Variants in FRRS1L observed in about 807,000 individuals in gnomAD.
FRRS1L encodes the protein ferric chelate reductase 1 like.
Under a neutral mutation model 28.6 loss-of-function variants are expected in FRRS1L, and 22 were observed. The ratio of observed to expected loss-of-function variants is 0.77; its 90% CI spans 0.55 to 1.10. FRRS1L has a LOEUF of 1.10. Among genes scored for constraint, FRRS1L ranks in the 50% least tolerant of loss-of-function variants. FRRS1L has a pLI of 0.00. For missense variants in FRRS1L, 380 were observed against 386.9 expected (o/e 0.98, Z 0.15); for synonymous variants, 158 against 151.4 (o/e 1.04, Z -0.32).
At position 109,137,239 on chromosome 9, in the gene FRRS1L, AG is replaced by A. The variant is rs2118458423; in HGVS notation, c.*215del. On this transcript the variant is annotated 3_prime_UTR_variant, in exon 5 of 5. Coordinates refer to ENST00000561981, the MANE Select transcript of FRRS1L (RefSeq NM_014334.4). ...TAAGAAAACATATGTGAAAGTGCTT[AG>A]AAAAGGTGTAAGTATGTTCCAAAAG... The A allele has an allele frequency of 3.2e-6, 1 of 312,376 alleles. No homozygotes were observed. The highest frequency in any genetic ancestry group is 5.8e-6 in the Non-Finnish European group (1 of 172,868). The allele number at this position is 312,376 out of a possible 1,614,324, so 19.4% of individuals were successfully genotyped here. A position where few individuals can be genotyped will look rare whatever the true frequency, so the allele number is the denominator to read the frequency against.
chr9:109,154,227 C>A (rs1326259871), intron 1 of FRRS1L, among the ~76,000 whole-genome samples: 1 of 152,178 alleles, frequency 6.6e-6, no homozygotes, highest in East Asian at 1.9e-4. Context: ...TAATCTCAAG[C>A]CCTTCTCTTT....
Position 109,135,052 on chromosome 9 carries a change from C to A in FRRS1L, c.*2403G>T, listed in dbSNP as rs976471362. ...GCAATGAACAGAATTTCTCCTCCAT[C>A]CCTCCTTGGAAGCTTTTGGTAACTG... On this transcript the variant is annotated 3_prime_UTR_variant, in exon 5 of 5. Transcript: ENST00000561981. 6.6e-6 allele frequency: 1 copy of A among 152,230 alleles called. No individual in the cohort carries two copies. 9.4% of individuals were successfully genotyped at this position (152,230 alleles called of 1,614,324 possible). A position where few individuals can be genotyped will look rare whatever the true frequency, so the allele number is the denominator to read the frequency against.
At chr9:109,156,064 G>A (rs574230847) in intron 1 of FRRS1L, among the ~76,000 whole-genome samples, 1 of 152,204 alleles carries the variant, frequency 6.6e-6, no homozygotes, top group South Asian at 2.1e-4. Context: ...AATCAAAATT[G>A]TATCCAGAAC....
chr9:109,151,001 T>C (rs1256806109), intron 1 of FRRS1L: 1 of 152,260 alleles, frequency 6.6e-6, no homozygotes, highest in African/African-American at 2.4e-5. Context: ...GGATTTGTAA[T>C]GCTACTTTTT....
chr9:109,142,819 T>TAA (rs71492832), intron 3 of FRRS1L, among the ~76,000 whole-genome samples: 7 of 135,416 alleles, frequency 5.2e-5, no homozygotes, highest in South Asian at 2.4e-4. Context: ...AAAATAAAAA[T>TAA]AAAAAAAAAA....
rs1831083310 is a variant in FRRS1L, at chr9:109,133,861, G to A, written c.*3594C>T. 6.6e-6 allele frequency: 1 copy of A among 152,140 alleles called. No homozygotes were observed. The highest frequency in any genetic ancestry group is 2.4e-5 in the African/African-American group (1 of 41,430). The allele number at this position is 152,140 out of a possible 1,614,324, so 9.4% of individuals were successfully genotyped here. Reference sequence around the variant, plus strand: ...ATGGGAATACAGACATAAAATAGAAGTTGATTCTCTTATATTTAAGTAGGG... The same window carrying A: ...ATGGGAATACAGACATAAAATAGAAATTGATTCTCTTATATTTAAGTAGGG... On this transcript the variant is annotated 3_prime_UTR_variant, in exon 5 of 5. Transcript: ENST00000561981.
At chr9:109,155,994 C>A (rs1348793892) in intron 1 of FRRS1L, among the ~76,000 whole-genome samples, 1 of 152,110 alleles carries the variant, frequency 6.6e-6, no homozygotes, top group Non-Finnish European at 1.5e-5. Context: ...ATGCTTGCAT[C>A]CCATTCCCTC....
At chr9:109,144,594 A>T (rs1216406208) in intron 3 of FRRS1L, among the ~76,000 whole-genome samples, 1 of 151,838 alleles carries the variant, frequency 6.6e-6, no homozygotes, top group Admixed American at 6.6e-5. Flanking sequence ...CGAACTCCCG[A>T]CCTCAAGCAA....
intron 4 of FRRS1L, chr9:109,139,255 A>G (rs1270820362): frequency 6.6e-6 from 1 of 152,134 alleles, no homozygotes. Context: ...GAAACAAGAA[A>G]AGCAGAAGCC....
chr9:109,166,410 C>T (rs997424687), intron 1 of FRRS1L, among the ~76,000 whole-genome samples: 1 of 152,234 alleles, frequency 6.6e-6, no homozygotes, highest in African/African-American at 2.4e-5. Context: ...CAGAATGCTA[C>T]GAGGTGGGCG....
In FRRS1L at chr9:109,134,991, A is replaced by T. The variant is rs1164174215; in HGVS notation, c.*2464T>A. The T allele has an allele frequency of 6.6e-6, 1 of 152,186 alleles. No individual in the cohort carries two copies. The highest frequency in any genetic ancestry group is 2.4e-5 in the African/African-American group (1 of 41,436). The allele number at this position is 152,186 out of a possible 1,614,324, so 9.4% of individuals were successfully genotyped here. A position where few individuals can be genotyped will look rare whatever the true frequency, so the allele number is the denominator to read the frequency against. ...TTGAGTTTGAATCCTACCCAGTTCC[A>T]TTATGCACTTGATGTCATTTAATTT... On this transcript the variant is annotated 3_prime_UTR_variant, in exon 5 of 5. Transcript: ENST00000561981.
At chr9:109,163,797 T>C (rs1831508653) in intron 1 of FRRS1L, among the ~76,000 whole-genome samples, 1 of 152,166 alleles carries the variant, frequency 6.6e-6, no homozygotes, top group Admixed American at 6.5e-5. Flanking sequence ...ACCTCAAGTG[T>C]ATTGATAGAA....
At chr9:109,161,375 A>G (rs569502085) in intron 1 of FRRS1L, among the ~76,000 whole-genome samples, 1 of 152,296 alleles carries the variant, frequency 6.6e-6, no homozygotes, top group South Asian at 2.1e-4. Context: ...TTTTTTAAAA[A>G]AGGGTGTATC....
rs1831097269 is a variant in FRRS1L, at chr9:109,135,077, G to A, written c.*2378C>T. 1 of 152,210 alleles carries A rather than the reference G, an allele frequency of 6.6e-6. No individual in the cohort carries two copies. Among genetic ancestry groups the A allele is most frequent in the African/African-American group, 2.4e-5 (1 of 41,460 alleles). 9.4% of individuals were successfully genotyped at this position (152,210 alleles called of 1,614,324 possible). On this transcript the variant is annotated 3_prime_UTR_variant, in exon 5 of 5. Transcript: ENST00000561981. ...CCCTCCTTGGAAGCTTTTGGTAACTGTGTTTGTTGATGTTTTCCTTATTTT... is the reference window on the plus strand; with the variant it reads ...CCCTCCTTGGAAGCTTTTGGTAACTATGTTTGTTGATGTTTTCCTTATTTT...
Position 109,137,597 on chromosome 9 carries a change from G to A in FRRS1L, c.740C>T (p.Pro247Leu), listed in dbSNP as rs199731037. ...GSITRHDIDS[P>L]PASERVVSIY... is the part of the protein sequence containing the mutation. ...ACTGACAACACGCTCTGAAGCCGGC[G>A]GTGAGTCTATATCATGTCGAGTGAT... The change falls in exon 5 of 5, where the codon CCG (proline) becomes CTG (leucine). Residue 247 changes from proline (P) to leucine (L), a missense_variant. Transcript: ENST00000561981. The A allele has an allele frequency of 1.2e-4, 192 of 1,610,002 alleles. No individual in the cohort carries two copies. Among genetic ancestry groups the A allele is most frequent in the Non-Finnish European group, 1.5e-4 (176 of 1,177,628 alleles).
In FRRS1L at chr9:109,137,300, C is replaced by T. The variant is rs1831124363; in HGVS notation, c.*155G>A. The T allele has an allele frequency of 2.2e-6, 1 of 445,782 alleles. No individual in the cohort carries two copies. The highest frequency in any genetic ancestry group is 3.3e-5 in the East Asian group (1 of 30,036). 27.6% of individuals were successfully genotyped at this position (445,782 alleles called of 1,614,324 possible). A position where few individuals can be genotyped will look rare whatever the true frequency, so the allele number is the denominator to read the frequency against. On this transcript the variant is annotated 3_prime_UTR_variant, in exon 5 of 5. Transcript: ENST00000561981. ...ATTATTAAACAATCTTCTTTGACTA[C>T]AAAAGAAGCTTGTTCTTTCTTCCAA...
chr9:109,162,985 G>T (rs539850737), intron 1 of FRRS1L, among the ~76,000 whole-genome samples: 1 of 152,250 alleles, frequency 6.6e-6, no homozygotes, highest in South Asian at 2.1e-4. Context: ...TCTTAGGCAG[G>T]GTATGGCTCC....
chr9:109,167,247 C>G lies in FRRS1L; in HGVS notation c.-109G>C. On this transcript the variant is annotated 5_prime_UTR_variant, in exon 1 of 5. Transcript: ENST00000561981. ...GGCCACCAGCACGCGCCCGCGCAGCCGCGGAGCCTCCCGCACCCCCGCCTC... is the reference window on the plus strand; with the variant it reads ...GGCCACCAGCACGCGCCCGCGCAGCGGCGGAGCCTCCCGCACCCCCGCCTC... 5.7e-6 allele frequency: 8 copies of G among 1,395,808 alleles called. No individual in the cohort carries two copies. Among genetic ancestry groups the G allele is most frequent in the Non-Finnish European group, 7.5e-6 (8 of 1,071,142 alleles). The allele number at this position is 1,395,808 out of a possible 1,614,324, so 86.5% of individuals were successfully genotyped here.
chr9:109,159,526 A>G (rs540356533), intron 1 of FRRS1L, among the ~76,000 whole-genome samples: 1 of 152,298 alleles, frequency 6.6e-6, no homozygotes, highest in South Asian at 2.1e-4. Flanking sequence ...TTTGCCAGGC[A>G]TGGTGGGACC....
Sources: gnomAD v4.1 joint callset for allele counts (sites outside exome capture counted in the v4.1 genomes callset) on GRCh38, gnomAD v4.1.1 for gene constraint, MANE v1.5 for transcripts, NCBI Gene and HGNC (gene_info 2026-07-23, HGNC 2026-07-21) for gene names.